Variants in NCKAP5 observed in about 807,000 individuals in gnomAD.
NCKAP5 encodes nck-associated protein 5.
Under a neutral mutation model 167.0 loss-of-function variants are expected in NCKAP5, and 92 were observed. That is an observed-to-expected ratio of 0.55 (90% CI 0.47 to 0.66). The LOEUF (loss-of-function observed/expected upper bound fraction) is 0.66. Among genes scored for constraint, NCKAP5 ranks in the 30% least tolerant of loss-of-function variants. NCKAP5 has a pLI of 0.00. For missense variants in NCKAP5, 2,378 were observed against 2,315.0 expected (o/e 1.03, Z -0.56); for synonymous variants, 891 against 877.4 (o/e 1.02, Z -0.27).
intron 19 of NCKAP5, among the ~76,000 whole-genome samples, chr2:132,709,647 G>A (rs1363395969): frequency 1.3e-5 from 2 of 151,994 alleles, no homozygotes; most frequent in African/African-American, 4.8e-5. Context: ...AATAAAGCCT[G>A]AGAGTATTAT....
chr2:133,650,827 C>T, the NCKAP5 span, among the ~76,000 whole-genome samples: 12 of 152,096 alleles, frequency 7.9e-5, no homozygotes, highest in South Asian at 2.1e-4. Context: ...GACTGCAGTG[C>T]GCTGAGATTG....
At chr2:133,603,065 G>A in the NCKAP5 span, among the ~76,000 whole-genome samples, 3 of 152,102 alleles carry the variant, frequency 2.0e-5, no homozygotes, top group Non-Finnish European at 4.4e-5. Flanking sequence ...GAGGATCACC[G>A]ATGTTTATCG....
At chr2:132,798,991 C>T (rs778251970) in intron 11 of NCKAP5, among the ~76,000 whole-genome samples, 10 of 151,894 alleles carry the variant, frequency 6.6e-5, no homozygotes, top group African/African-American at 1.2e-4. Flanking sequence ...AGCAAAGACA[C>T]GGAATCAACC....
intron 12 of NCKAP5, among the ~76,000 whole-genome samples, chr2:132,793,221 C>T (rs151239383): frequency 0.023 from 3,455 of 152,262 alleles, 132 homozygotes; most frequent in African/African-American, 0.08. Context: ...GTTGGTCAGG[C>T]TGGTCTCAAA....
intron 5 of NCKAP5, among the ~76,000 whole-genome samples, chr2:133,199,645 T>C (rs980400960): frequency 6.6e-6 from 1 of 152,026 alleles, no homozygotes; most frequent in African/African-American, 2.4e-5. Context: ...ACAGCTACTT[T>C]GAGAAACAGA....
At chr2:132,794,385 C>T (rs1388459145) in intron 12 of NCKAP5, among the ~76,000 whole-genome samples, 1 of 149,258 alleles carries the variant, frequency 6.7e-6, no homozygotes, top group African/African-American at 2.5e-5. Flanking sequence ...GTAATCCCAG[C>T]ACTTTGGGAG....
intron 4 of NCKAP5, among the ~76,000 whole-genome samples, chr2:133,286,065 G>C (rs1296761029): frequency 6.7e-6 from 1 of 150,260 alleles, no homozygotes; most frequent in Non-Finnish European, 1.5e-5. Flanking sequence ...GCACGATCTC[G>C]GCTCATTGCA....
chr2:133,061,627 T>C (rs1186937062), intron 6 of NCKAP5, among the ~76,000 whole-genome samples: 1 of 152,210 alleles, frequency 6.6e-6, no homozygotes, highest in Non-Finnish European at 1.5e-5. Flanking sequence ...TTTTAAACAT[T>C]AACTGAGGCA....
At chr2:133,549,399 C>G (rs1303576316) in intron 2 of NCKAP5, among the ~76,000 whole-genome samples, 1 of 134,624 alleles carries the variant, frequency 7.4e-6, no homozygotes, top group African/African-American at 2.8e-5. Flanking sequence ...AACTATCTCT[C>G]AGACCACAGT....
intron 8 of NCKAP5, among the ~76,000 whole-genome samples, chr2:132,893,669 C>T (rs1692906122): frequency 6.6e-6 from 1 of 151,940 alleles, no homozygotes; most frequent in Non-Finnish European, 1.5e-5. Context: ...AAAAAGCAAG[C>T]AAATTATTAT....
Position 132,672,873 on chromosome 2 carries a change from G to T in NCKAP5, c.*416C>A. On this transcript the variant is annotated 3_prime_UTR_variant, in exon 20 of 20. Coordinates refer to ENST00000409261, the MANE Select transcript of NCKAP5 (RefSeq NM_207363.3). Reference sequence around the variant, plus strand: ...CTTTATTGCCCTGTCAGAGAAATAAGCTCTGGTGGGTTGCCTGCTGTGAAT... The same window carrying T: ...CTTTATTGCCCTGTCAGAGAAATAATCTCTGGTGGGTTGCCTGCTGTGAAT... 1 of 711,758 alleles carries T rather than the reference G, an allele frequency of 1.4e-6. No homozygotes were observed. The highest frequency in any genetic ancestry group is 1.7e-6 in the Non-Finnish European group (1 of 579,066). 44.1% of individuals were successfully genotyped at this position (711,758 alleles called of 1,614,324 possible).
At chr2:132,718,965 G>A (rs1288958123) in intron 19 of NCKAP5, among the ~76,000 whole-genome samples, 2 of 152,192 alleles carry the variant, frequency 1.3e-5, no homozygotes, top group Non-Finnish European at 2.9e-5. Flanking sequence ...TTTGGGCGTG[G>A]CTGATGAAGG....
chr2:133,024,890 G>A (rs757258297), intron 6 of NCKAP5, among the ~76,000 whole-genome samples: 1 of 152,202 alleles, frequency 6.6e-6, no homozygotes, highest in Non-Finnish European at 1.5e-5. Flanking sequence ...CACACACCAT[G>A]TTGCAAAGAG....
At chr2:133,162,888 AT>A (rs2083855271) in intron 5 of NCKAP5, among the ~76,000 whole-genome samples, 1 of 152,120 alleles carries the variant, frequency 6.6e-6, no homozygotes, top group African/African-American at 2.4e-5. Flanking sequence ...GTCATACGTT[AT>A]TTTTTTCCAT....
intron 2 of NCKAP5, among the ~76,000 whole-genome samples, chr2:133,557,555 C>A (rs1170767493): frequency 6.6e-6 from 1 of 152,140 alleles, no homozygotes; most frequent in East Asian, 1.9e-4. Context: ...GGAACTATCT[C>A]TACAAAATTG....
chr2:132,686,362 A>C (rs1190568616), intron 19 of NCKAP5, among the ~76,000 whole-genome samples: 1 of 152,088 alleles, frequency 6.6e-6, no homozygotes, highest in Non-Finnish European at 1.5e-5. Context: ...ATCACTTGAG[A>C]CTCAGAAGAA....
At chr2:133,121,859 A>C (rs549281876) in intron 6 of NCKAP5, 83 of 152,370 alleles carry the variant, frequency 5.4e-4, no homozygotes, top group African/African-American at 1.9e-3. Context: ...ATGAATAAAC[A>C]AATAGTAGTA....
intron 17 of NCKAP5, among the ~76,000 whole-genome samples, chr2:132,729,612 G>A (rs1057369114): frequency 2.0e-5 from 3 of 152,240 alleles, no homozygotes; most frequent in Non-Finnish European, 4.4e-5. Context: ...AAGCTCCCAG[G>A]TGATGCTGAT....
intron 11 of NCKAP5, among the ~76,000 whole-genome samples, chr2:132,819,350 C>A (rs952232561): frequency 6.6e-6 from 1 of 152,170 alleles, no homozygotes; most frequent in Non-Finnish European, 1.5e-5. Context: ...TTCTCATTGC[C>A]AAGCAGAGCG....
Sources: allele counts gnomAD v4.1 joint callset (sites outside exome capture counted in the v4.1 genomes callset), GRCh38; gene constraint gnomAD v4.1.1; transcripts MANE v1.5; gene names NCBI Gene and HGNC (gene_info 2026-07-23, HGNC 2026-07-21).